Variants in GFPT1 observed in about 807,000 individuals in gnomAD.
GFPT1 encodes glutamine--fructose-6-phosphate transaminase 1.
In GFPT1, 40 loss-of-function variants were observed where a neutral mutation model predicts 92.0. The ratio of observed to expected loss-of-function variants is 0.43; its 90% CI spans 0.34 to 0.57. The LOEUF (loss-of-function observed/expected upper bound fraction) is 0.57. Ranked by LOEUF, GFPT1 falls within the 20% of genes least tolerant of loss-of-function variation. The pLI, the probability that GFPT1 is intolerant of heterozygous loss-of-function variation, is 0.02. For synonymous variants in GFPT1, 269 were observed against 280.6 expected (o/e 0.96, Z 0.41); for missense variants, 448 against 869.1 (o/e 0.52, Z 6.09).
intron 1 of GFPT1, among the ~76,000 whole-genome samples, chr2:69,380,064 G>A (rs1671970798): frequency 6.6e-6 from 1 of 152,018 alleles, no homozygotes; most frequent in Non-Finnish European, 1.5e-5. Context: ...AAGGCCAGAT[G>A]CCGTGGCTCA....
intron 15 of GFPT1, among the ~76,000 whole-genome samples, chr2:69,332,813 T>G (rs533408490): frequency 6.6e-6 from 1 of 152,244 alleles, no homozygotes; most frequent in Admixed American, 6.5e-5. Flanking sequence ...GATTATATGC[T>G]GAATTTCTAT....
chr2:69,385,653 A>G (rs538954061), intron 1 of GFPT1, among the ~76,000 whole-genome samples: 1 of 152,116 alleles, frequency 6.6e-6, no homozygotes, highest in East Asian at 1.9e-4. Flanking sequence ...ATCATTCAGG[A>G]ACAGTTAACT....
chr2:69,367,323 A>G (rs1288059969), intron 3 of GFPT1, among the ~76,000 whole-genome samples: 1 of 151,200 alleles, frequency 6.6e-6, no homozygotes, highest in African/African-American at 2.4e-5. Flanking sequence ...ATGCTCATTC[A>G]CTATCATATA....
At position 69,329,284 on chromosome 2, in the gene GFPT1, T is replaced by A; in HGVS notation, c.1725+13A>T. 1 of 1,612,708 alleles carries A rather than the reference T, an allele frequency of 6.2e-7. No individual in the cohort carries two copies. Among genetic ancestry groups the A allele is most frequent in the Non-Finnish European group, 8.5e-7 (1 of 1,178,758 alleles). ...TCAATGGACTGATACTAATTAGAAC[T>A]GAGAAAACTTACCAGTGCCCCTTCA... On this transcript the variant is annotated intron_variant, in intron 17 of 19. Transcript: ENST00000357308.
chr2:69,337,363 C>A (rs1670826413), intron 15 of GFPT1, among the ~76,000 whole-genome samples: 1 of 152,168 alleles, frequency 6.6e-6, no homozygotes, highest in East Asian at 1.9e-4. Flanking sequence ...CCATGCCTGG[C>A]AGTTGCCAAA....
rs886056257 is a variant in GFPT1, at chr2:69,326,003, C to T, written c.*186G>A. On this transcript the variant is annotated 3_prime_UTR_variant, in exon 20 of 20. Transcript: ENST00000357308. ...ATTATTCAAAGTCCTCCACAAATTA[C>T]TGGGAAAATGTAAGAGGTAACTTCA... 7.2e-6 allele frequency: 4 copies of T among 557,006 alleles called. No homozygotes were observed. The highest frequency in any genetic ancestry group is 5.8e-5 in the East Asian group (2 of 34,634). The allele number at this position is 557,006 out of a possible 1,614,324, so 34.5% of individuals were successfully genotyped here.
intron 6 of GFPT1, 127 bp downstream of exon 6, chr2:69,358,202 A>C (rs943215441): frequency 1.7e-5 from 12 of 722,102 alleles, no homozygotes; most frequent in Non-Finnish European, 2.8e-5. Flanking sequence ...TTCAACTTGA[A>C]TAGTTATATG....
Position 69,328,331 on chromosome 2 carries a change from G to A in GFPT1, c.1833C>T (p.Ile611=), listed in dbSNP as rs1035932346. Residue 611 remains isoleucine, a synonymous_variant, in exon 18 of 20, where the codon ATC becomes ATT. Coordinates refer to ENST00000357308, the MANE Select transcript of GFPT1 (RefSeq NM_001244710.2). ...ACTTGGCATAAGTGTGATCTCTCAT[G>A]ATGATCATGATCACAGGCATCAATT... The part of the protein sequence containing the change: ...VDKLMPVIMI[I]MRDHTYAKCQ... The A allele has an allele frequency of 6.2e-7, 1 of 1,613,304 alleles. No individual in the cohort carries two copies. Among genetic ancestry groups the A allele is most frequent in the Middle Eastern group, 1.7e-4 (1 of 6,060 alleles).
Position 69,379,507 on chromosome 2 carries a change from G to A in GFPT1, c.8-5394C>T, listed in dbSNP as rs185179193. Among the ~76,000 whole-genome samples, 38 of 152,198 alleles carry A rather than the reference G, an allele frequency of 2.5e-4. No homozygotes were observed. In the East Asian group the frequency reaches 7.0e-3, roughly 28 times the overall value. On this transcript the variant is annotated intron_variant, in intron 1 of 19. Transcript: ENST00000357308. The stretch of plus-strand genomic sequence containing the variant: ...TTATGGAATCACATTCTACATTTAA[G>A]ATTTCTTTAAAATTAAGTATTATTT...
At chr2:69,377,473 AC>A (rs1455784377) in intron 1 of GFPT1, among the ~76,000 whole-genome samples, 1 of 131,978 alleles carries the variant, frequency 7.6e-6, no homozygotes, top group Admixed American at 7.9e-5. Context: ...ACATGGTGAA[AC>A]CCCGTCTCTA....
At chr2:69,357,230 T>C (rs911301433) in intron 6 of GFPT1, among the ~76,000 whole-genome samples, 2 of 149,362 alleles carry the variant, frequency 1.3e-5, no homozygotes, top group Admixed American at 6.7e-5. Flanking sequence ...GAAAAGATCC[T>C]AAGATCAAAA....
Position 69,328,412 on chromosome 2 carries a change from G to A in GFPT1, c.1752C>T (p.His584=). 1 of 1,612,948 alleles carries A rather than the reference G, an allele frequency of 6.2e-7. No individual in the cohort carries two copies. The highest frequency in any genetic ancestry group is 8.5e-7 in the Non-Finnish European group (1 of 1,178,968). Residue 584 remains histidine, a synonymous_variant, in exon 18 of 20, where the codon CAC becomes CAT. Coordinates refer to ENST00000357308, the MANE Select transcript of GFPT1 (RefSeq NM_001244710.2). ...ALKIKEITYM[H]SEGILAGELK... Reference sequence around the variant, plus strand: ...ATTCACCAGCAAGGATGCCTTCAGAGTGCATATAAGTAATTTCTTTGATTT... The same window carrying A: ...ATTCACCAGCAAGGATGCCTTCAGAATGCATATAAGTAATTTCTTTGATTT...
chr2:69,328,576 ATATC>A (rs781419083), intron 17 of GFPT1, 138 bp from the exon 18 acceptor site: 46 of 636,276 alleles, frequency 7.2e-5, no homozygotes, highest in Non-Finnish European at 1.1e-4. Context: ...ATCTATAAAT[ATATC>A]TAACAAGTTA....
At chr2:69,349,551 T>C (rs1671159006) in intron 10 of GFPT1, among the ~76,000 whole-genome samples, 1 of 152,242 alleles carries the variant, frequency 6.6e-6, no homozygotes, top group South Asian at 2.1e-4. Context: ...TTTTATTTTA[T>C]CCTCATTACT....
At chr2:69,363,725 C>CTA in intron 3 of GFPT1, 55 bp from the exon 4 acceptor site, 1 of 1,193,374 alleles carries the variant, frequency 8.4e-7, no homozygotes, top group Non-Finnish European at 1.2e-6. Flanking sequence ...AGAGATAATG[C>CTA]TATAAGCTAT....
chr2:69,362,486 A>C (rs1340795391), intron 4 of GFPT1, among the ~76,000 whole-genome samples: 1 of 152,110 alleles, frequency 6.6e-6, no homozygotes. Context: ...TTTATTTTTA[A>C]AGAATATCAA....
At position 69,337,901 on chromosome 2, in the gene GFPT1, T is replaced by C; in HGVS notation, c.1479A>G (p.Thr493=). The C allele has an allele frequency of 6.2e-7, 1 of 1,613,294 alleles. No homozygotes were observed. Among genetic ancestry groups the C allele is most frequent in the Non-Finnish European group, 8.5e-7 (1 of 1,179,258 alleles). ...NAGPEIGVAS[T]KAYTSQFVSL... ...GAGAAATGAGTCAAGAATTTACCTT[T>C]GTACTGGCCACACCAATCTCAGGAC... Residue 493 remains threonine (T), a synonymous_variant, in exon 15 of 20, where the codon ACA becomes ACG. Transcript: ENST00000357308.
intron 14 of GFPT1, 126 bp from the exon 15 acceptor site, chr2:69,338,181 C>G: frequency 1.1e-6 from 1 of 903,570 alleles, no homozygotes; most frequent in Non-Finnish European, 1.8e-6. Flanking sequence ...ACAAAACATC[C>G]ACTTAATAAA....
chr2:69,336,521 C>T (rs915159078), intron 15 of GFPT1, among the ~76,000 whole-genome samples: 3 of 151,792 alleles, frequency 2.0e-5, no homozygotes, highest in Admixed American at 1.3e-4. Flanking sequence ...AATATCCCAA[C>T]ATCTTATTAG....
Sources: allele counts gnomAD v4.1 joint callset (sites outside exome capture counted in the v4.1 genomes callset), GRCh38; gene constraint gnomAD v4.1.1; transcripts MANE v1.5; gene names NCBI Gene and HGNC (gene_info 2026-07-23, HGNC 2026-07-21).